Variants in HDAC9 observed in about 807,000 individuals in gnomAD.
HDAC9 encodes MEF-2 interacting transcription repressor (MITR) protein.
Under a neutral mutation model 139.4 loss-of-function variants are expected in HDAC9, and 41 were observed. The ratio of observed to expected loss-of-function variants is 0.29; its 90% CI spans 0.23 to 0.38. The LOEUF (loss-of-function observed/expected upper bound fraction) is 0.38, where lower values mean the gene tolerates loss of function less well. Ranked by LOEUF, HDAC9 falls within the 10% of genes least tolerant of loss-of-function variation. HDAC9 has a pLI of 1.00. For missense variants in HDAC9, 1,147 were observed against 1,297.0 expected, an observed-to-expected ratio of 0.88 and a Z score of 1.78; for synonymous variants, 517 against 476.2, an observed-to-expected ratio of 1.09 and a Z score of -1.12.
At chr7:18,800,265 CAACTTTAT>C (rs1296211769) in intron 17 of HDAC9, among the ~76,000 whole-genome samples, 2 of 152,164 alleles carry the variant, frequency 1.3e-5, no homozygotes, top group Non-Finnish European at 2.9e-5. Context: ...CTCATTACTT[CAACTTTAT>C]AAGAGGTCTT....
At chr7:18,804,065 T>C (rs903234771) in intron 17 of HDAC9, among the ~76,000 whole-genome samples, 2 of 152,114 alleles carry the variant, frequency 1.3e-5, no homozygotes, top group African/African-American at 4.8e-5. Flanking sequence ...AAATGTGTTA[T>C]GGATAAAAGT....
At chr7:18,273,040 C>T (rs1252092539) in intron 2 of HDAC9, among the ~76,000 whole-genome samples, 1 of 130,764 alleles carries the variant, frequency 7.6e-6, no homozygotes, top group African/African-American at 2.8e-5. Flanking sequence ...TCCTCTTCCC[C>T]TTCTTCCCCT....
intron 1 of HDAC9, among the ~76,000 whole-genome samples, chr7:18,383,554 A>G (rs1284919445): frequency 2.0e-5 from 3 of 152,194 alleles, no homozygotes; most frequent in Non-Finnish European, 2.9e-5. Flanking sequence ...CACATTATAT[A>G]CTGAAATAAA....
chr7:18,132,258 T>A (rs954775770), intron 1 of HDAC9, among the ~76,000 whole-genome samples: 1 of 152,164 alleles, frequency 6.6e-6, no homozygotes, highest in African/African-American at 2.4e-5. Flanking sequence ...TCCAAATTAC[T>A]AACTACAGAA....
At chr7:18,175,612 A>G (rs1055655127) in intron 2 of HDAC9, among the ~76,000 whole-genome samples, 5 of 152,168 alleles carry the variant, frequency 3.3e-5, no homozygotes, top group Admixed American at 6.5e-5. Flanking sequence ...CCATAGTTTT[A>G]TAATGCATGC....
At chr7:18,862,573 C>G (rs1207714255) in intron 21 of HDAC9, among the ~76,000 whole-genome samples, 1 of 152,156 alleles carries the variant, frequency 6.6e-6, no homozygotes, top group Admixed American at 6.5e-5. Context: ...AATTTAACCC[C>G]CTTTTTGAAG....
At chr7:18,987,520 A>T (rs1483631962) in intron 25 of HDAC9, among the ~76,000 whole-genome samples, 1 of 152,186 alleles carries the variant, frequency 6.6e-6, no homozygotes, top group Non-Finnish European at 1.5e-5. Context: ...CTATTGGTCT[A>T]AAATTCTCTT....
chr7:18,320,792 G>A (rs1562874991), intron 1 of HDAC9, among the ~76,000 whole-genome samples: 1 of 152,038 alleles, frequency 6.6e-6, no homozygotes. Flanking sequence ...TAGTGTTGTG[G>A]AAAGAGCACT....
intron 13 of HDAC9, among the ~76,000 whole-genome samples, chr7:18,747,705 T>A (rs1021496860): frequency 2.0e-5 from 3 of 152,182 alleles, no homozygotes; most frequent in African/African-American, 7.2e-5. Flanking sequence ...GGATAGAGTT[T>A]GAAGCCATTT....
Position 18,355,625 on chromosome 7 carries a change from A to T in HDAC9, c.-42+65110A>T, listed in dbSNP as rs138411361. 2.0e-5 allele frequency among the ~76,000 whole-genome samples: 3 copies of T among 152,268 alleles called. No individual in the cohort carries two copies. In the East Asian group the frequency reaches 5.8e-4, roughly 29 times the overall value. On this transcript the variant is annotated intron_variant, in intron 1 of 3. Transcript: ENST00000413509. ...GAATTTTCAGAGACATTAGAGACAA[A>T]TTTAACATCACCCTCAAATCTGTGG...
At chr7:18,372,162 GA>G (rs1284746865) in intron 1 of HDAC9, among the ~76,000 whole-genome samples, 3 of 152,218 alleles carry the variant, frequency 2.0e-5, no homozygotes, top group African/African-American at 7.2e-5. Flanking sequence ...GAGTAGTTCT[GA>G]AAGTTTCCCA....
intron 1 of HDAC9, among the ~76,000 whole-genome samples, chr7:18,300,554 A>G (rs1798471590): frequency 6.6e-6 from 1 of 152,182 alleles, no homozygotes; most frequent in Admixed American, 6.5e-5. Flanking sequence ...TATGTTAATT[A>G]TATGTAGACA....
chr7:18,655,734 C>T (rs1790921742), intron 11 of HDAC9, among the ~76,000 whole-genome samples: 1 of 152,120 alleles, frequency 6.6e-6, no homozygotes, highest in Non-Finnish European at 1.5e-5. Context: ...GGGACCTAGA[C>T]CTTTCCTTTT....
intron 2 of HDAC9, among the ~76,000 whole-genome samples, chr7:18,579,884 T>C (rs1418248656): frequency 6.6e-6 from 1 of 152,140 alleles, no homozygotes; most frequent in Non-Finnish European, 1.5e-5. Context: ...ATGCACAAAA[T>C]TGCGCATTCT....
chr7:18,797,764 G>A (rs1488135038), intron 17 of HDAC9, among the ~76,000 whole-genome samples: 1 of 152,026 alleles, frequency 6.6e-6, no homozygotes, highest in South Asian at 2.1e-4. Context: ...AGGAGGCAGG[G>A]GTTACAGTGA....
At chr7:18,488,149 CT>C (rs1796109814) in intron 1 of HDAC9, among the ~76,000 whole-genome samples, 1 of 151,942 alleles carries the variant, frequency 6.6e-6, no homozygotes, top group South Asian at 2.1e-4. Context: ...TAAAAATAGT[CT>C]TTTCTTGAAA....
intron 1 of HDAC9, among the ~76,000 whole-genome samples, chr7:18,098,784 C>T (rs1426629810): frequency 6.6e-6 from 1 of 152,100 alleles, no homozygotes; most frequent in African/African-American, 2.4e-5. Flanking sequence ...TAGATGTGCT[C>T]TTGAATAGAT....
chr7:18,896,563 A>G (rs1011267546), intron 22 of HDAC9, among the ~76,000 whole-genome samples: 1 of 152,068 alleles, frequency 6.6e-6, no homozygotes, highest in Non-Finnish European at 1.5e-5. Context: ...TTATGCTGTT[A>G]AAACTGCCCA....
intron 23 of HDAC9, among the ~76,000 whole-genome samples, chr7:18,938,230 CAAAAAA>C (rs71553939): frequency 9.6e-4 from 72 of 75,334 alleles, no homozygotes; most frequent in African/African-American, 3.4e-3. Flanking sequence ...GACTCCGTCT[CAAAAAA>C]AAAAAAAAAA....
Sources: gnomAD v4.1 joint callset for allele counts (sites outside exome capture counted in the v4.1 genomes callset) on GRCh38, gnomAD v4.1.1 for gene constraint, MANE v1.5 for transcripts, NCBI Gene and HGNC (gene_info 2026-07-23, HGNC 2026-07-21) for gene names.